KCNIP4: variants seen among roughly 807,000 people sequenced by gnomAD.
The protein encoded by KCNIP4 is Kv channel-interacting protein 4.
A neutral mutation model predicts 34.0 loss-of-function variants in KCNIP4; 12 were observed. The observed-to-expected ratio is 0.35, with a 90% CI of 0.23 to 0.57. The LOEUF is 0.57. Ranked by LOEUF, KCNIP4 falls within the 20% of genes least tolerant of loss-of-function variation. The probability of loss-of-function intolerance (pLI) is 0.83; values close to 1 mark genes in which losing one functional copy is unlikely to be tolerated. For missense variants in KCNIP4, 238 were observed against 311.7 expected, an observed-to-expected ratio of 0.76 and a Z score of 1.78; for synonymous variants, 124 against 102.2, an observed-to-expected ratio of 1.21 and a Z score of -1.29.
chr4:20,970,462 A>G (rs996378184), intron 1 of KCNIP4, among the ~76,000 whole-genome samples: 4 of 152,182 alleles, frequency 2.6e-5, no homozygotes, highest in Admixed American at 2.6e-4. Context: ...AAGGCTTACA[A>G]ATTGTGTTTG....
chr4:21,720,481 A>G (rs549420629), intron 1 of KCNIP4, among the ~76,000 whole-genome samples: 1 of 151,460 alleles, frequency 6.6e-6, no homozygotes, highest in Admixed American at 6.6e-5. Context: ...TTACAGTAAA[A>G]GAGAATGACT....
chr4:21,601,262 A>G (rs1328034976), intron 1 of KCNIP4, among the ~76,000 whole-genome samples: 1 of 152,034 alleles, frequency 6.6e-6, no homozygotes, highest in African/African-American at 2.4e-5. Flanking sequence ...ATGTTTTCAC[A>G]TTGCCAAAAG....
At chr4:21,720,236 A>G (rs1183383160) in intron 1 of KCNIP4, among the ~76,000 whole-genome samples, 1 of 152,044 alleles carries the variant, frequency 6.6e-6, no homozygotes. Context: ...GTTCAATACC[A>G]CATACAGAGT....
chr4:21,061,776 A>T (rs1355092766), intron 1 of KCNIP4, among the ~76,000 whole-genome samples: 1 of 152,316 alleles, frequency 6.6e-6, no homozygotes, highest in South Asian at 2.1e-4. Context: ...GTATCTCAGA[A>T]TGTGACTGTA....
chr4:21,021,590 T>C (rs944613577), intron 1 of KCNIP4, among the ~76,000 whole-genome samples: 1 of 152,146 alleles, frequency 6.6e-6, no homozygotes, highest in African/African-American at 2.4e-5. Context: ...AAGAAATTTT[T>C]GTTAAAGGCT....
intron 1 of KCNIP4, among the ~76,000 whole-genome samples, chr4:21,796,792 A>C (rs1376724580): frequency 6.6e-6 from 1 of 152,224 alleles, no homozygotes; most frequent in Non-Finnish European, 1.5e-5. Flanking sequence ...TTTATCAATG[A>C]TTTAATTCTG....
intron 1 of KCNIP4, among the ~76,000 whole-genome samples, chr4:21,147,604 A>T (rs1438751695): frequency 6.6e-6 from 1 of 152,020 alleles, no homozygotes; most frequent in African/African-American, 2.4e-5. Flanking sequence ...TAGATTTATG[A>T]CAGGAATTAT....
chr4:21,913,907 A>G (rs1578139110), intron 1 of KCNIP4, among the ~76,000 whole-genome samples: 1 of 152,062 alleles, frequency 6.6e-6, no homozygotes, highest in South Asian at 2.1e-4. Flanking sequence ...GGATAGTCCA[A>G]ATAATATAAG....
chr4:21,444,671 A>T (rs1010421367), intron 1 of KCNIP4, among the ~76,000 whole-genome samples: 2 of 152,234 alleles, frequency 1.3e-5, no homozygotes, highest in African/African-American at 4.8e-5. Context: ...CCAATATCAT[A>T]CTGAATGGGC....
chr4:21,618,597 T>TA (rs1744764269), intron 1 of KCNIP4, among the ~76,000 whole-genome samples: 1 of 150,364 alleles, frequency 6.7e-6, no homozygotes, highest in South Asian at 2.1e-4. Flanking sequence ...TGTTTGTATT[T>TA]ATATATTTTC....
chr4:21,357,353 A>G (rs957750295), intron 1 of KCNIP4, among the ~76,000 whole-genome samples: 5 of 152,208 alleles, frequency 3.3e-5, no homozygotes, highest in Admixed American at 6.5e-5. Flanking sequence ...GCACAGAAAA[A>G]GAAACTACCA....
intron 1 of KCNIP4, among the ~76,000 whole-genome samples, chr4:21,043,528 G>A (rs1742145836): frequency 6.6e-6 from 1 of 151,192 alleles, no homozygotes; most frequent in Non-Finnish European, 1.5e-5. Flanking sequence ...TAGTAAAGGT[G>A]GGATTTTGCC....
chr4:21,186,967 C>T (rs1560791918), intron 1 of KCNIP4, among the ~76,000 whole-genome samples: 1 of 152,148 alleles, frequency 6.6e-6, no homozygotes. Flanking sequence ...AGCCCAACTT[C>T]ACAGGATTTA....
intron 1 of KCNIP4, among the ~76,000 whole-genome samples, chr4:21,382,637 T>C (rs1721618138): frequency 1.3e-5 from 2 of 152,166 alleles, no homozygotes; most frequent in South Asian, 4.1e-4. Flanking sequence ...TTTAGTAACA[T>C]CTACACCTGC....
At chr4:21,589,248 A>G (rs1163481745) in intron 1 of KCNIP4, among the ~76,000 whole-genome samples, 1 of 131,104 alleles carries the variant, frequency 7.6e-6, no homozygotes, top group African/African-American at 2.9e-5. Context: ...ACATATATAC[A>G]TATATGTATC....
chr4:20,990,393 A>G (rs1176024796), intron 1 of KCNIP4, among the ~76,000 whole-genome samples: 1 of 152,180 alleles, frequency 6.6e-6, no homozygotes, highest in Non-Finnish European at 1.5e-5. Context: ...TCTTTAAAAT[A>G]TGTATATGGA....
intron 1 of KCNIP4, among the ~76,000 whole-genome samples, chr4:21,794,065 T>C (rs1284280715): frequency 1.3e-5 from 2 of 152,094 alleles, no homozygotes; most frequent in East Asian, 1.9e-4. Flanking sequence ...TAGGTGGGAA[T>C]TGAACAATGA....
intron 3 of KCNIP4, among the ~76,000 whole-genome samples, chr4:20,828,225 G>A (rs914921910): frequency 6.6e-6 from 1 of 152,220 alleles, no homozygotes; most frequent in African/African-American, 2.4e-5. Flanking sequence ...TCAGGAGATC[G>A]AGACTATCCT....
chr4:21,668,658 G>C (rs1448857662), intron 1 of KCNIP4, among the ~76,000 whole-genome samples: 1 of 152,096 alleles, frequency 6.6e-6, no homozygotes, highest in Non-Finnish European at 1.5e-5. Context: ...ACATGTTAAT[G>C]AGAGCTAAAA....
Sources: allele counts gnomAD v4.1 joint callset (sites outside exome capture counted in the v4.1 genomes callset), GRCh38; gene constraint gnomAD v4.1.1; transcripts MANE v1.5; gene names NCBI Gene and HGNC (gene_info 2026-07-23, HGNC 2026-07-21).